The following INPP4A variants were observed in gnomAD, a reference collection of about 807,000 sequenced individuals.
INPP4A encodes the protein inositol polyphosphate-4-phosphatase, type I, 107kD.
A neutral mutation model predicts 119.8 loss-of-function variants in INPP4A; 33 were observed. That is an observed-to-expected ratio of 0.28 (90% CI 0.21 to 0.37). INPP4A has a LOEUF of 0.37. Among genes scored for constraint, INPP4A ranks in the 10% least tolerant of loss-of-function variants. INPP4A has a pLI of 1.00. For synonymous variants in INPP4A, 496 were observed against 500.7 expected (o/e 0.99, Z 0.12); for missense variants, 956 against 1,289.9 (o/e 0.74, Z 3.97).
intron 11 of INPP4A, among the ~76,000 whole-genome samples, chr2:98,544,531 A>G (rs961060932): frequency 1.3e-5 from 2 of 152,234 alleles, no homozygotes; most frequent in Non-Finnish European, 2.9e-5. Flanking sequence ...TGGAGTGTGA[A>G]TGAACACCTC....
At chr2:98,579,628 G>C (rs1698984123) in intron 24 of INPP4A, among the ~76,000 whole-genome samples, 1 of 152,214 alleles carries the variant, frequency 6.6e-6, no homozygotes, top group Non-Finnish European at 1.5e-5. Flanking sequence ...CTCTTGTGAG[G>C]CTTCTGAAGC....
intron 1 of INPP4A, among the ~76,000 whole-genome samples, chr2:98,457,347 CA>C (rs1447828682): frequency 6.6e-6 from 1 of 152,202 alleles, no homozygotes; most frequent in Non-Finnish European, 1.5e-5. Context: ...TGCATGAGCC[CA>C]GGAGTTTGAT....
At chr2:98,538,354 C>T (rs1386324574) in intron 8 of INPP4A, among the ~76,000 whole-genome samples, 3 of 152,198 alleles carry the variant, frequency 2.0e-5, no homozygotes, top group African/African-American at 7.2e-5. Context: ...CTCCCAGACA[C>T]ATGCATGCCC....
At chr2:98,459,950 A>G (rs1344760226) in intron 1 of INPP4A, among the ~76,000 whole-genome samples, 1 of 152,152 alleles carries the variant, frequency 6.6e-6, no homozygotes, top group Non-Finnish European at 1.5e-5. Context: ...AGAAACCAGA[A>G]CTGTCAGTTT....
chr2:98,453,336 G>A (rs4850874), intron 1 of INPP4A, among the ~76,000 whole-genome samples: 41,504 of 152,138 alleles, frequency 0.27, 5,707 homozygotes, highest in Middle Eastern at 0.35. Context: ...TCAAAATGCA[G>A]TGGTTCATGA....
chr2:98,449,698 CAG>C (rs761933451), intron 1 of INPP4A, among the ~76,000 whole-genome samples: 16 of 152,320 alleles, frequency 1.1e-4, no homozygotes, highest in African/African-American at 2.4e-4. Flanking sequence ...TAGACCTTCT[CAG>C]GGGATAGATG....
chr2:98,564,804 T>C, intron 19 of INPP4A, 41 bp downstream of exon 19: 1 of 1,535,344 alleles, frequency 6.5e-7, no homozygotes, highest in Non-Finnish European at 8.8e-7. Flanking sequence ...CACTTGCGTG[T>C]GTGGTTTCCA....
At chr2:98,548,415 G>C (rs962564965) in intron 13 of INPP4A, among the ~76,000 whole-genome samples, 1 of 152,172 alleles carries the variant, frequency 6.6e-6, no homozygotes, top group African/African-American at 2.4e-5. Flanking sequence ...GCCAGAAAGC[G>C]TGTCTGTCGC....
intron 14 of INPP4A, among the ~76,000 whole-genome samples, chr2:98,553,589 A>G (rs578206477): frequency 6.6e-6 from 1 of 151,646 alleles, no homozygotes; most frequent in African/African-American, 2.4e-5. Context: ...ACACACACAC[A>G]CCCCAGATTC....
chr2:98,538,750 C>G, intron 8 of INPP4A, 141 bp from the exon 9 acceptor site: 2 of 568,182 alleles, frequency 3.5e-6, no homozygotes, highest in Non-Finnish European at 3.2e-6. Flanking sequence ...GTGGCTTGGG[C>G]AGCATATTTA....
intron 13 of INPP4A, chr2:98,549,037 A>G: frequency 6.8e-7 from 1 of 1,478,642 alleles, no homozygotes; most frequent in Non-Finnish European, 9.4e-7. Context: ...AGCTTGTGCC[A>G]TCCCCACACC....
intron 1 of INPP4A, among the ~76,000 whole-genome samples, chr2:98,500,661 G>C (rs1292560593): frequency 6.6e-6 from 1 of 152,164 alleles, no homozygotes; most frequent in African/African-American, 2.4e-5. Context: ...GAAACATTGA[G>C]AGTAAAGTGG....
chr2:98,556,338 G>T (rs912358380), intron 16 of INPP4A, among the ~76,000 whole-genome samples: 3 of 152,200 alleles, frequency 2.0e-5, no homozygotes, highest in Non-Finnish European at 4.4e-5. Context: ...GTAACACAGA[G>T]AATGGGACCC....
intron 1 of INPP4A, among the ~76,000 whole-genome samples, chr2:98,460,170 A>G (rs540554177): frequency 8.6e-5 from 13 of 151,958 alleles, no homozygotes; most frequent in Non-Finnish European, 1.5e-4. Flanking sequence ...CCCCATATAC[A>G]TGTACACATA....
chr2:98,468,478 A>C (rs1675251404), intron 1 of INPP4A, among the ~76,000 whole-genome samples: 1 of 152,030 alleles, frequency 6.6e-6, no homozygotes, highest in Non-Finnish European at 1.5e-5. Context: ...GCCTCAAATG[A>C]TCCTCTCACC....
At chr2:98,545,098 T>G (rs1692230662) in intron 11 of INPP4A, among the ~76,000 whole-genome samples, 1 of 152,216 alleles carries the variant, frequency 6.6e-6, no homozygotes, top group South Asian at 2.1e-4. Context: ...TCTCGGATGC[T>G]CATGGTGCGG....
chr2:98,474,627 T>C (rs775261154), intron 1 of INPP4A, among the ~76,000 whole-genome samples: 2 of 152,294 alleles, frequency 1.3e-5, no homozygotes, highest in Admixed American at 6.5e-5. Context: ...TTGTTGTACC[T>C]TGATGCCCTG....
In INPP4A at chr2:98,588,306, C is replaced by G. The variant is rs1700133696; in HGVS notation, c.*698C>G. 1 of 202,672 alleles carries G rather than the reference C, an allele frequency of 4.9e-6. No homozygotes were observed. Among genetic ancestry groups the G allele is most frequent in the African/African-American group, 2.3e-5 (1 of 43,674 alleles). The allele number at this position is 202,672 out of a possible 1,614,324, so 12.6% of individuals were successfully genotyped here. A position where few individuals can be genotyped will look rare whatever the true frequency, so the allele number is the denominator to read the frequency against. On this transcript the variant is annotated 3_prime_UTR_variant, in exon 25 of 25. Coordinates refer to ENST00000409851, the MANE Select transcript of INPP4A (RefSeq NM_001134225.2). ...CAGAACAGGGAGTCTGCTGGAGACA[C>G]AAAGCCAGCAGTAAGGTCCCTTTAG...
At chr2:98,472,490 C>T (rs899508670) in intron 1 of INPP4A, among the ~76,000 whole-genome samples, 3 of 152,228 alleles carry the variant, frequency 2.0e-5, no homozygotes, top group Non-Finnish European at 2.9e-5. Context: ...GGCAAGTGTC[C>T]AAGGAACCAG....
Sources: gnomAD v4.1 joint callset for allele counts (sites outside exome capture counted in the v4.1 genomes callset) on GRCh38, gnomAD v4.1.1 for gene constraint, MANE v1.5 for transcripts, NCBI Gene and HGNC (gene_info 2026-07-23, HGNC 2026-07-21) for gene names.